The following PDZD2 variants were observed in gnomAD, a reference collection of about 807,000 sequenced individuals.
PDZD2 encodes PDZ domain containing 2.
PDZD2 carries 90 observed loss-of-function variants against 220.7 expected under a neutral mutation model. The observed-to-expected ratio is 0.41, with a 90% CI of 0.34 to 0.49. The LOEUF (loss-of-function observed/expected upper bound fraction) is 0.49. PDZD2 is among the 20% of genes least tolerant of loss of function. The pLI is 0.28. For missense variants in PDZD2, 3,174 were observed against 3,608.5 expected, an observed-to-expected ratio of 0.88 and a Z score of 3.08; for synonymous variants, 1,375 against 1,450.5, an observed-to-expected ratio of 0.95 and a Z score of 1.18.
Position 31,710,545 on chromosome 5 carries a change from T to G in PDZD2, c.-361+71108T>G, listed in dbSNP as rs551509047. ...TAAGGAATAGAGATATGGCCAGGCGTGGTGGCTCATGCCTGTAATCTCAGC... is the reference window on the plus strand; with the variant it reads ...TAAGGAATAGAGATATGGCCAGGCGGGGTGGCTCATGCCTGTAATCTCAGC... On this transcript the variant is annotated intron_variant, in intron 1 of 24. Coordinates refer to ENST00000438447, the MANE Select transcript of PDZD2 (RefSeq NM_178140.4). Among the ~76,000 whole-genome samples, 4 of 152,218 alleles carry G rather than the reference T, an allele frequency of 2.6e-5. No individual in the cohort carries two copies. The East Asian group carries it at 7.7e-4, about 29-fold the overall frequency.
At chr5:31,941,934 A>G (rs887374994) in intron 2 of PDZD2, among the ~76,000 whole-genome samples, 1 of 152,184 alleles carries the variant, frequency 6.6e-6, no homozygotes, top group Non-Finnish European at 1.5e-5. Context: ...TGTCAGTTTT[A>G]GTATGTGTTT....
chr5:32,038,985 C>T (rs559367247), intron 7 of PDZD2, among the ~76,000 whole-genome samples: 2 of 152,346 alleles, frequency 1.3e-5, no homozygotes, highest in Admixed American at 6.5e-5. Flanking sequence ...CGTCCCCTTC[C>T]GGCCACCCAG....
chr5:31,866,147 G>T (rs991722990), intron 2 of PDZD2, among the ~76,000 whole-genome samples: 1 of 151,802 alleles, frequency 6.6e-6, no homozygotes, highest in African/African-American at 2.4e-5. Flanking sequence ...TGCAGGCGGG[G>T]GCCGTCACAC....
At chr5:31,978,016 TAAAACTC>T (rs746542138) in intron 2 of PDZD2, among the ~76,000 whole-genome samples, 10 of 152,190 alleles carry the variant, frequency 6.6e-5, no homozygotes, top group Non-Finnish European at 1.5e-4. Flanking sequence ...AGTTCTAGGC[TAAAACTC>T]AGAACCGCAT....
intron 2 of PDZD2, among the ~76,000 whole-genome samples, chr5:31,860,514 T>G (rs1186670697): frequency 6.6e-6 from 1 of 152,218 alleles, no homozygotes; most frequent in Non-Finnish European, 1.5e-5. Context: ...CCCTCACTCA[T>G]GTCAGACCAT....
chr5:31,880,798 T>TCTTTTTTC (rs55945817), intron 2 of PDZD2, among the ~76,000 whole-genome samples: 3 of 102,218 alleles, frequency 2.9e-5, no homozygotes, highest in Non-Finnish European at 5.5e-5. Context: ...TTTCTTTTTT[T>TCTTTTTTC]TTTTTTTTTT....
chr5:32,029,331 A>C (rs1224658527), intron 6 of PDZD2, among the ~76,000 whole-genome samples: 2 of 96,784 alleles, frequency 2.1e-5, no homozygotes, highest in African/African-American at 9.3e-5. Flanking sequence ...AAGAACTGTA[A>C]AAAAAAAAAA....
At chr5:31,838,038 TAA>T (rs1209673369) in intron 2 of PDZD2, among the ~76,000 whole-genome samples, 3 of 152,174 alleles carry the variant, frequency 2.0e-5, no homozygotes, top group African/African-American at 7.2e-5. Flanking sequence ...CTTCAATCTG[TAA>T]AAAATAAAAT....
chr5:31,833,920 A>G (rs1231241230), intron 2 of PDZD2, among the ~76,000 whole-genome samples: 1 of 152,218 alleles, frequency 6.6e-6, no homozygotes, highest in Non-Finnish European at 1.5e-5. Context: ...CCTGCTGGGC[A>G]GTGCAGGGTG....
At chr5:31,766,761 G>A (rs566245012) in intron 1 of PDZD2, among the ~76,000 whole-genome samples, 16 of 144,564 alleles carry the variant, frequency 1.1e-4, no homozygotes, top group Non-Finnish European at 1.8e-4. Context: ...ACAGAGTTTC[G>A]CTCTTGTCTC....
chr5:32,067,606 G>T (rs1740335145), intron 14 of PDZD2, among the ~76,000 whole-genome samples: 2 of 152,070 alleles, frequency 1.3e-5, no homozygotes, highest in African/African-American at 2.4e-5. Context: ...AAGACAAATT[G>T]CCATGCTTAT....
At chr5:31,976,744 G>A (rs1749816407) in intron 2 of PDZD2, among the ~76,000 whole-genome samples, 1 of 111,344 alleles carries the variant, frequency 9.0e-6, no homozygotes, top group African/African-American at 3.5e-5. Flanking sequence ...TTGTGACAGA[G>A]TCTCCCTCGG....
At chr5:32,028,963 G>T (rs539890827) in intron 6 of PDZD2, among the ~76,000 whole-genome samples, 1 of 152,156 alleles carries the variant, frequency 6.6e-6, no homozygotes, top group Non-Finnish European at 1.5e-5. Flanking sequence ...GATTGCAGGC[G>T]TGAGTCACCG....
intron 1 of PDZD2, among the ~76,000 whole-genome samples, chr5:31,701,304 C>T (rs1747601363): frequency 6.6e-6 from 1 of 152,174 alleles, no homozygotes; most frequent in African/African-American, 2.4e-5. Context: ...TCAAGTTGTC[C>T]TCCCACCTCA....
chr5:32,059,272 G>T lies in PDZD2; in HGVS notation c.2234G>T (p.Cys745Phe). 1 of 1,613,252 alleles carries T rather than the reference G, an allele frequency of 6.2e-7. No homozygotes were observed. Among genetic ancestry groups the T allele is most frequent in the Non-Finnish European group, 8.5e-7 (1 of 1,179,218 alleles). The change falls in exon 13 of 25, where the codon TGC (cysteine) becomes TTC (phenylalanine). Residue 745 changes from cysteine to phenylalanine, a missense_variant. Coordinates refer to ENST00000438447, the MANE Select transcript of PDZD2 (RefSeq NM_178140.4). ...PRVGLGIGAC[C>F]LALENSPPGI... ...GTTGGATTAGGCATTGGTGCCTGCT[G>T]CTTGGCTCTGGAAAACAGTCCTCCT...
In PDZD2 at chr5:32,059,648, C is replaced by G. The variant is rs376356845; in HGVS notation, c.2318+292C>G. 1.6e-4 allele frequency among the ~76,000 whole-genome samples: 25 copies of G among 152,268 alleles called. No individual in the cohort carries two copies. In the East Asian group the frequency reaches 4.4e-3, roughly 27 times the overall value. On this transcript the variant is annotated intron_variant, in intron 13 of 24. Coordinates refer to ENST00000438447, the MANE Select transcript of PDZD2 (RefSeq NM_178140.4). ...ACAAGATACAACTCTATACAGATAT[C>G]TATGATTAGCTCAATATTTTCTTTC...
intron 1 of PDZD2, among the ~76,000 whole-genome samples, chr5:31,715,574 C>T (rs772959905): frequency 1.4e-4 from 21 of 152,234 alleles, no homozygotes; most frequent in South Asian, 8.3e-4. Context: ...GTATGTGGCT[C>T]AGCCACAATG....
Position 31,726,355 on chromosome 5 carries a change from C to A in PDZD2, c.-360-72534C>A, listed in dbSNP as rs375603150. Among the ~76,000 whole-genome samples, 24 of 152,240 alleles carry A rather than the reference C, an allele frequency of 1.6e-4. 1 individual carries two copies. The South Asian group carries it at 5.0e-3, about 32-fold the overall frequency. ...ACCAGCCTGGCCATCATGGTGAAAC[C>A]CTGTCTCTCCTAAAAATACAAAAAT... On this transcript the variant is annotated intron_variant, in intron 1 of 24. Transcript: ENST00000438447.
intron 2 of PDZD2, among the ~76,000 whole-genome samples, chr5:31,905,240 T>C (rs947487203): frequency 1.3e-5 from 2 of 152,138 alleles, no homozygotes; most frequent in East Asian, 3.9e-4. Flanking sequence ...CTCCTCAGCC[T>C]CCCAAAGTGC....
Sources: allele counts gnomAD v4.1 joint callset (sites outside exome capture counted in the v4.1 genomes callset), GRCh38; gene constraint gnomAD v4.1.1; transcripts MANE v1.5; gene names NCBI Gene and HGNC (gene_info 2026-07-23, HGNC 2026-07-21).